ARIH1: variants seen among roughly 807,000 people sequenced by gnomAD.
ARIH1 encodes E3 ubiquitin-protein ligase ARIH1.
In ARIH1, 8 loss-of-function variants were observed where a neutral mutation model predicts 85.0. That is an observed-to-expected ratio of 0.09 (90% confidence interval 0.06 to 0.17). The LOEUF is 0.17. ARIH1 is among the 10% of genes least tolerant of loss of function. The pLI, the probability that ARIH1 is intolerant of heterozygous loss-of-function variation, is 1.00. For synonymous variants in ARIH1, 238 were observed against 253.6 expected (o/e 0.94, Z 0.59); for missense variants, 311 against 718.1 (o/e 0.43, Z 6.48).
chr15:72,583,371 C>A lies in ARIH1; in HGVS notation c.*79C>A. 2 of 1,175,770 alleles carry A rather than the reference C, an allele frequency of 1.7e-6. No individual in the cohort carries two copies. The highest frequency in any genetic ancestry group is 2.5e-6 in the Non-Finnish European group (2 of 799,580). The allele number at this position is 1,175,770 out of a possible 1,614,324, so 72.8% of individuals were successfully genotyped here. A position where few individuals can be genotyped will look rare whatever the true frequency, so the allele number is the denominator to read the frequency against. ...GCAATTAAAACAAAACAAACACAAA[C>A]AAGGAGGCACTAAGCCTATTCTGAC... is the stretch of plus-strand genomic sequence containing the variant. On this transcript the variant is annotated 3_prime_UTR_variant, in exon 14 of 14. Transcript: ENST00000379887.
chr15:72,506,854 TG>T (rs2063928053), intron 1 of ARIH1, among the ~76,000 whole-genome samples: 2 of 152,068 alleles, frequency 1.3e-5, no homozygotes, highest in African/African-American at 4.8e-5. Flanking sequence ...TTGTTTTTTT[TG>T]TTTGTTTTTT....
chr15:72,558,286 G>C (rs2064183339), intron 5 of ARIH1, among the ~76,000 whole-genome samples: 1 of 152,174 alleles, frequency 6.6e-6, no homozygotes. Context: ...TGTCATTTGA[G>C]ATGATCGTAT....
chr15:72,528,758 G>GGCAGGAGGATTGCTGGAGC (rs1296258037), intron 2 of ARIH1, among the ~76,000 whole-genome samples: 1 of 151,726 alleles, frequency 6.6e-6, no homozygotes, highest in Admixed American at 6.6e-5. Context: ...AGAAGGCTGA[G>GGCAGGAGGATTGCTGGAGC]GCAGGAGGAT....
chr15:72,476,409 G>C (rs2063795176), intron 1 of ARIH1, among the ~76,000 whole-genome samples: 1 of 152,224 alleles, frequency 6.6e-6, no homozygotes, highest in South Asian at 2.1e-4. Flanking sequence ...TTGTCGCCCA[G>C]GCTGGAGTGC....
Position 72,597,255 on chromosome 15 carries a change from A to G in ARIH1, c.*13963A>G, listed in dbSNP as rs1279422123. ...CTTCACTGCAGTTTTAGTTTGATTC[A>G]GTTTGCCTCTAGCTTCAAATATTTG... On this transcript the variant is annotated 3_prime_UTR_variant, in exon 14 of 14. Coordinates refer to ENST00000379887, the MANE Select transcript of ARIH1 (RefSeq NM_005744.5). 3 of 151,782 alleles carry G rather than the reference A, an allele frequency of 2.0e-5. No homozygotes were observed. The highest frequency in any genetic ancestry group is 1.3e-4 in the Admixed American group (2 of 15,232). 9.4% of individuals were successfully genotyped at this position (151,782 alleles called of 1,614,324 possible).
intron 1 of ARIH1, among the ~76,000 whole-genome samples, chr15:72,485,413 G>A (rs372478330): frequency 1.3e-5 from 2 of 152,274 alleles, no homozygotes; most frequent in South Asian, 4.1e-4. Context: ...CCAGGATCGA[G>A]AGCTCCTGCT....
At chr15:72,499,351 G>A (rs149263997) in intron 1 of ARIH1, among the ~76,000 whole-genome samples, 8 of 151,180 alleles carry the variant, frequency 5.3e-5, no homozygotes, top group African/African-American at 1.9e-4. Context: ...ACATGCATGT[G>A]GTAACAAATG....
intron 11 of ARIH1, among the ~76,000 whole-genome samples, chr15:72,576,829 C>T (rs918574147): frequency 1.3e-5 from 2 of 152,034 alleles, no homozygotes; most frequent in Admixed American, 6.6e-5. Context: ...GACACTAACC[C>T]GCCCTACCTC....
chr15:72,576,314 G>T lies in ARIH1; in HGVS notation c.1215+4149G>T, dbSNP rs913080822. On this transcript the variant is annotated intron_variant, in intron 11 of 13. Coordinates refer to ENST00000379887, the MANE Select transcript of ARIH1 (RefSeq NM_005744.5). ...AGGTCAGGAGATGGAGACCATCCTGGCTAACACAGTGAAACCCCATCTCTA... is the reference window on the plus strand; with the variant it reads ...AGGTCAGGAGATGGAGACCATCCTGTCTAACACAGTGAAACCCCATCTCTA... Among the ~76,000 whole-genome samples the T allele has an allele frequency of 2.0e-5, 3 of 151,898 alleles. No individual in the cohort carries two copies. In the East Asian group the frequency reaches 5.8e-4, roughly 29 times the overall value.
rs1319090810 is a variant in ARIH1, at chr15:72,600,370, T to C, written c.*17078T>C. On this transcript the variant is annotated 3_prime_UTR_variant, in exon 14 of 14. Coordinates refer to ENST00000379887, the MANE Select transcript of ARIH1 (RefSeq NM_005744.5). ...CATGTTCTATGTGATTTCTGGGATT[T>C]TCCTGTGAACATACTTCTTGTTTGT... 1 of 152,228 alleles carries C rather than the reference T, an allele frequency of 6.6e-6. No individual in the cohort carries two copies. Among genetic ancestry groups the C allele is most frequent in the Non-Finnish European group, 1.5e-5 (1 of 68,044 alleles). 9.4% of individuals were successfully genotyped at this position (152,228 alleles called of 1,614,324 possible). A position where few individuals can be genotyped will look rare whatever the true frequency, so the allele number is the denominator to read the frequency against.
chr15:72,482,463 G>A (rs577047089), intron 1 of ARIH1, among the ~76,000 whole-genome samples: 1 of 152,266 alleles, frequency 6.6e-6, no homozygotes, highest in East Asian at 1.9e-4. Context: ...GGATAAAAAA[G>A]AGGAAGTCAT....
intron 3 of ARIH1, among the ~76,000 whole-genome samples, chr15:72,547,120 G>A (rs940169875): frequency 6.6e-6 from 1 of 151,600 alleles, no homozygotes; most frequent in African/African-American, 2.4e-5. Flanking sequence ...GTAGAGACGG[G>A]GTTTCACCAT....
chr15:72,575,394 T>C (rs1160150982), intron 11 of ARIH1, among the ~76,000 whole-genome samples: 1 of 151,692 alleles, frequency 6.6e-6, no homozygotes, highest in Admixed American at 6.6e-5. Flanking sequence ...GGGCAACAAC[T>C]GAGACCCTGT....
chr15:72,568,662 C>T (rs1279094005), intron 9 of ARIH1, among the ~76,000 whole-genome samples: 1 of 152,068 alleles, frequency 6.6e-6, no homozygotes, highest in Non-Finnish European at 1.5e-5. Context: ...GATATCCTAA[C>T]ATTTTGGAGG....
intron 2 of ARIH1, among the ~76,000 whole-genome samples, chr15:72,541,041 A>AACGCT (rs1330525269): frequency 1.3e-5 from 2 of 152,192 alleles, no homozygotes; most frequent in Non-Finnish European, 2.9e-5. Flanking sequence ...CCAGGGGGCC[A>AACGCT]ACGCTAGTAT....
chr15:72,528,027 T>C (rs2064038056), intron 2 of ARIH1, among the ~76,000 whole-genome samples: 1 of 152,158 alleles, frequency 6.6e-6, no homozygotes. Flanking sequence ...TTTGGGAGCT[T>C]TTAGAAACAG....
At position 72,588,211 on chromosome 15, in the gene ARIH1, C is replaced by T. The variant is rs1012527900; in HGVS notation, c.*4919C>T. 1 of 152,082 alleles carries T rather than the reference C, an allele frequency of 6.6e-6. No individual in the cohort carries two copies. The highest frequency in any genetic ancestry group is 2.4e-5 in the African/African-American group (1 of 41,412). 9.4% of individuals were successfully genotyped at this position (152,082 alleles called of 1,614,324 possible). A position where few individuals can be genotyped will look rare whatever the true frequency, so the allele number is the denominator to read the frequency against. ...GGCTCTGAGAGGAGCCTGTGAAATC[C>T]AGACTTCATGTGAATTCTCTTAATT... On this transcript the variant is annotated 3_prime_UTR_variant, in exon 14 of 14. Transcript: ENST00000379887.
intron 2 of ARIH1, among the ~76,000 whole-genome samples, chr15:72,530,048 C>A (rs932777980): frequency 2.6e-5 from 4 of 151,964 alleles, no homozygotes; most frequent in African/African-American, 7.3e-5. Flanking sequence ...TCCTGACTTA[C>A]AATAGTGACA....
intron 1 of ARIH1, among the ~76,000 whole-genome samples, chr15:72,476,396 G>A (rs1233973897): frequency 6.6e-6 from 1 of 152,166 alleles, no homozygotes; most frequent in East Asian, 1.9e-4. Flanking sequence ...ACGGAGTCTT[G>A]CTTTGTCGCC....
Sources: allele counts gnomAD v4.1 joint callset (sites outside exome capture counted in the v4.1 genomes callset), GRCh38; gene constraint gnomAD v4.1.1; transcripts MANE v1.5; gene names NCBI Gene and HGNC (gene_info 2026-07-23, HGNC 2026-07-21).